The following HRH4 variants were observed in gnomAD, a reference collection of about 807,000 sequenced individuals.
HRH4 encodes histamine receptor H4.
Under a neutral mutation model 10.4 loss-of-function variants are expected in HRH4, and 12 were observed. The ratio of observed to expected loss-of-function variants is 1.15; its 90% confidence interval spans 0.74 to 1.87. HRH4 has a LOEUF of 1.87. Among genes scored for constraint, HRH4 ranks in the 40% most tolerant of loss-of-function variants. HRH4 has a pLI of 0.00. For missense variants in HRH4, 415 were observed against 453.3 expected (o/e 0.92, Z 0.77); for synonymous variants, 154 against 166.6 (o/e 0.92, Z 0.58).
intron 1 of HRH4, among the ~76,000 whole-genome samples, chr18:24,466,190 C>A (rs1021437277): frequency 2.6e-5 from 4 of 151,676 alleles, no homozygotes; most frequent in Non-Finnish European, 5.9e-5. Context: ...ATGGCTCACT[C>A]CAGCCTTGAC....
chr18:24,476,855 T>G lies in HRH4; in HGVS notation c.466T>G (p.Ser156Ala). Residue 156 changes from serine (S) to alanine (A), a missense_variant, in exon 3 of 3, where the codon TCT becomes GCT. Transcript: ENST00000256906. Reference protein sequence around the residue: ...VNGPMILVSESWKDEGSECEP... With the variant: ...VNGPMILVSEAWKDEGSECEP... The stretch of plus-strand genomic sequence containing the variant: ...TGGGCCAATGATTCTAGTTTCAGAG[T>G]CTTGGAAGGATGAAGGTAGTGAATG... 1 of 1,614,192 alleles carries G rather than the reference T, an allele frequency of 6.2e-7. No homozygotes were observed. The highest frequency in any genetic ancestry group is 8.5e-7 in the Non-Finnish European group (1 of 1,180,022).
chr18:24,475,095 G>A (rs189449483), intron 2 of HRH4, among the ~76,000 whole-genome samples: 9 of 152,230 alleles, frequency 5.9e-5, no homozygotes, highest in Non-Finnish European at 8.8e-5. Flanking sequence ...AGATTTAGAA[G>A]ACATTATTAA....
Position 24,460,640 on chromosome 18 carries a change from C to T in HRH4, c.-89C>T. 1.4e-6 allele frequency: 1 copy of T among 739,644 alleles called. No homozygotes were observed. The highest frequency in any genetic ancestry group is 2.1e-6 in the Non-Finnish European group (1 of 473,484). 45.8% of individuals were successfully genotyped at this position (739,644 alleles called of 1,614,324 possible). ...GTGTTGTTTTGAGTGGAAGACTACA[C>T]ATTTTAGGTATGTGATTAGAAAACA... On this transcript the variant is annotated 5_prime_UTR_variant, in exon 1 of 3. Transcript: ENST00000256906.
intron 1 of HRH4, among the ~76,000 whole-genome samples, 180 bp downstream of exon 1, chr18:24,461,101 T>C (rs1017910843): frequency 6.6e-6 from 1 of 152,196 alleles, no homozygotes; most frequent in Non-Finnish European, 1.5e-5. Flanking sequence ...GTTATACATA[T>C]GTAAATCAGT....
chr18:24,469,270 C>T (rs935236103), intron 2 of HRH4, among the ~76,000 whole-genome samples: 18 of 152,120 alleles, frequency 1.2e-4, no homozygotes, highest in African/African-American at 4.1e-4. Context: ...ACTCCACAGA[C>T]ATATGGAGTA....
chr18:24,470,501 A>ATTTTATTT (rs1909904802), intron 2 of HRH4, among the ~76,000 whole-genome samples: 1 of 129,880 alleles, frequency 7.7e-6, no homozygotes, highest in Admixed American at 8.0e-5. Flanking sequence ...TTGTTTCTCT[A>ATTTTATTT]TTTTTTTTTT....
chr18:24,474,696 A>ATTT lies in HRH4; in HGVS notation c.358-2040_358-2038dup, dbSNP rs36039916. On this transcript the variant is annotated intron_variant, in intron 2 of 2. Transcript: ENST00000256906. ...TGAAAGGAACCTTGGAACCTTACTG[A>ATTT]TTTTTTTTTTTTTGAGAGTCTCACT... Among the ~76,000 whole-genome samples the ATTT allele has an allele frequency of 1.0e-3, 147 of 146,628 alleles. 1 individual carries two copies. Among genetic ancestry groups the ATTT allele is most frequent in the African/African-American group, 3.6e-3 (143 of 39,988 alleles).
chr18:24,465,615 A>C (rs193298918), intron 1 of HRH4, among the ~76,000 whole-genome samples: 1 of 152,312 alleles, frequency 6.6e-6, no homozygotes, highest in African/African-American at 2.4e-5. Context: ...CAGAGTAGGT[A>C]TATTAGAGAA....
intron 2 of HRH4, among the ~76,000 whole-genome samples, chr18:24,469,827 G>A (rs545604150): frequency 2.2e-4 from 33 of 152,256 alleles, no homozygotes; most frequent in East Asian, 2.1e-3. Context: ...GCTGCGTGTC[G>A]CGGGGGTTTT....
Position 24,460,869 on chromosome 18 carries a change from A to C in HRH4, c.141A>C (p.Arg47Ser). 6.3e-7 allele frequency: 1 copy of C among 1,584,684 alleles called. No homozygotes were observed. The change falls in exon 1 of 3, where the codon AGA (arginine) becomes AGC (serine). Residue 47 changes from arginine to serine, a missense_variant. Arg to Ser is a moderately radical substitution (Grantham distance 110). Coordinates refer to ENST00000256906, the MANE Select transcript of HRH4 (RefSeq NM_021624.4). Reference sequence around the variant, plus strand: ...CTTTTGTGGTGGACAAAAACCTTAGACATCGAAGTAGTTATTTTTTTCTTA... The same window carrying C: ...CTTTTGTGGTGGACAAAAACCTTAGCCATCGAAGTAGTTATTTTTTTCTTA... ...ILAFVVDKNL[R>S]HRSSYFFLNL...
chr18:24,476,922 C>T lies in HRH4; in HGVS notation c.533C>T (p.Thr178Ile), dbSNP rs539561152. Residue 178 changes from threonine (T) to isoleucine (I), a missense_variant, in exon 3 of 3, where the codon ACA (threonine) becomes ATA (isoleucine). Coordinates refer to ENST00000256906, the MANE Select transcript of HRH4 (RefSeq NM_021624.4). ...TCGGAATGGTACATCCTTGCCATCA[C>T]ATCATTCTTGGAATTCGTGATCCCA... The part of the protein sequence containing the change: ...FFSEWYILAI[T>I]SFLEFVIPVI... 5.0e-6 allele frequency: 8 copies of T among 1,614,138 alleles called. No individual in the cohort carries two copies. In the African/African-American group the frequency reaches 1.1e-4, roughly 22 times the overall value.
At chr18:24,469,150 A>C (rs1177335073) in intron 2 of HRH4, among the ~76,000 whole-genome samples, 199 bp downstream of exon 2, 2 of 152,206 alleles carry the variant, frequency 1.3e-5, no homozygotes, top group Non-Finnish European at 2.9e-5. Flanking sequence ...CCTATGCACC[A>C]TTGAAATGGG....
rs946980067 is a variant in HRH4, at chr18:24,478,183, A to C, written c.*621A>C. ...TTTTGGAGGCCCTGGTGGTCACAGG[A>C]TCAGAAGGCAAGGGATAGGCAGTGG... On this transcript the variant is annotated 3_prime_UTR_variant, in exon 3 of 3. Coordinates refer to ENST00000256906, the MANE Select transcript of HRH4 (RefSeq NM_021624.4). 2 of 152,310 alleles carry C rather than the reference A, an allele frequency of 1.3e-5. No homozygotes were observed. Among genetic ancestry groups the C allele is most frequent in the African/African-American group, 4.8e-5 (2 of 41,472 alleles). 9.4% of individuals were successfully genotyped at this position (152,310 alleles called of 1,614,324 possible).
At position 24,477,602 on chromosome 18, in the gene HRH4, C is replaced by A; in HGVS notation, c.*40C>A. On this transcript the variant is annotated 3_prime_UTR_variant, in exon 3 of 3. Coordinates refer to ENST00000256906, the MANE Select transcript of HRH4 (RefSeq NM_021624.4). ...CCTCTGTAAATTTTAGTCTCAATCT[C>A]ACCTAAATGAATCAGGTCTGCCCTT... The A allele has an allele frequency of 2.9e-6, 4 of 1,372,966 alleles. No homozygotes were observed. The highest frequency in any genetic ancestry group is 2.8e-5 in the South Asian group (2 of 71,932). 85.0% of individuals were successfully genotyped at this position (1,372,966 alleles called of 1,614,324 possible).
At position 24,477,334 on chromosome 18, in the gene HRH4, C is replaced by G; in HGVS notation, c.945C>G (p.Cys315Trp). The stretch of plus-strand genomic sequence containing the variant: ...TTCTCTTAGGGGTTTTTGCTGTTTG[C>G]TGGGCTCCATATTCTCTGTTCACAA... ...LAILLGVFAV[C>W]WAPYSLFTIV... Residue 315 changes from cysteine (C) to tryptophan (W), a missense_variant, in exon 3 of 3, where the codon TGC becomes TGG. Coordinates refer to ENST00000256906, the MANE Select transcript of HRH4 (RefSeq NM_021624.4). 6.8e-6 allele frequency: 11 copies of G among 1,614,092 alleles called. No homozygotes were observed. The highest frequency in any genetic ancestry group is 8.5e-6 in the Non-Finnish European group (10 of 1,179,966).
Position 24,468,820 on chromosome 18 carries a change from A to T in HRH4, c.226A>T (p.Thr76Ser). 1 of 1,614,026 alleles carries T rather than the reference A, an allele frequency of 6.2e-7. No homozygotes were observed. Among genetic ancestry groups the T allele is most frequent in the Non-Finnish European group, 8.5e-7 (1 of 1,179,960 alleles). The stretch of plus-strand genomic sequence containing the variant: ...CTCCATTCCTTTGTACATCCCTCAC[A>T]CGCTGTTCGAATGGGATTTTGGAAA... ...VISIPLYIPH[T>S]LFEWDFGKEI... Residue 76 changes from threonine to serine, a missense_variant, in exon 2 of 3, where the codon ACG becomes TCG. Physicochemically the swap from Thr to Ser is moderately conservative, Grantham distance 58 (BLOSUM62 1). Transcript: ENST00000256906.
chr18:24,478,354 G>C lies in HRH4; in HGVS notation c.*792G>C, dbSNP rs1430911950. On this transcript the variant is annotated 3_prime_UTR_variant, in exon 3 of 3. Coordinates refer to ENST00000256906, the MANE Select transcript of HRH4 (RefSeq NM_021624.4). ...TGCATGATTAAACTAGATAGACCTG[G>C]TATACAGTCACTGAACTAGTAGATG... The C allele has an allele frequency of 2.0e-5, 3 of 152,160 alleles. No homozygotes were observed. Among genetic ancestry groups the C allele is most frequent in the African/African-American group, 7.2e-5 (3 of 41,430 alleles). The allele number at this position is 152,160 out of a possible 1,614,324, so 9.4% of individuals were successfully genotyped here. A position where few individuals can be genotyped will look rare whatever the true frequency, so the allele number is the denominator to read the frequency against.
At chr18:24,470,394 A>T (rs963271444) in intron 2 of HRH4, among the ~76,000 whole-genome samples, 1 of 151,996 alleles carries the variant, frequency 6.6e-6, no homozygotes, top group Non-Finnish European at 1.5e-5. Flanking sequence ...CAAATGTGCC[A>T]TCGTAGCCCC....
At position 24,474,947 on chromosome 18, in the gene HRH4, G is replaced by T. The variant is rs563141554; in HGVS notation, c.358-1800G>T. Among the ~76,000 whole-genome samples the T allele has an allele frequency of 2.0e-5, 3 of 152,266 alleles. No homozygotes were observed. In the East Asian group the frequency reaches 5.8e-4, roughly 29 times the overall value. ...GATCTGCCTGCCTCGGCCTCCCAAA[G>T]TGCTGGGATTACAGGTGTGAGCCAC... On this transcript the variant is annotated intron_variant, in intron 2 of 2. Coordinates refer to ENST00000256906, the MANE Select transcript of HRH4 (RefSeq NM_021624.4).
Sources: allele counts gnomAD v4.1 joint callset (sites outside exome capture counted in the v4.1 genomes callset), GRCh38; gene constraint gnomAD v4.1.1; transcripts MANE v1.5; gene names NCBI Gene and HGNC (gene_info 2026-07-23, HGNC 2026-07-21).